ZNF804A: variants seen among roughly 807,000 people sequenced by gnomAD.
ZNF804A encodes zinc finger protein 804A.
ZNF804A carries 2 observed loss-of-function variants against 16.5 expected under a neutral mutation model. That is an observed-to-expected ratio of 0.12 (90% CI 0.05 to 0.38). The LOEUF is 0.38. ZNF804A is among the 10% of genes least tolerant of loss of function. ZNF804A has a pLI of 0.99. For missense variants in ZNF804A, 1,473 were observed against 1,390.7 expected (o/e 1.06, Z -0.94); for synonymous variants, 534 against 489.6 (o/e 1.09, Z -1.20).
In ZNF804A at chr2:184,873,159, A is replaced by G. The variant is rs575903279; in HGVS notation, c.255+6647A>G. Among the ~76,000 whole-genome samples the G allele has an allele frequency of 1.6e-4, 25 of 152,322 alleles. No homozygotes were observed. In the East Asian group the frequency reaches 4.8e-3, roughly 29 times the overall value. On this transcript the variant is annotated intron_variant, in intron 2 of 3. Transcript: ENST00000302277. Reference sequence around the variant, plus strand: ...AAAACTTTATATATTTTAGGAACATATCTAGGGAATTATTTTTGTGACATT... The same window carrying G: ...AAAACTTTATATATTTTAGGAACATGTCTAGGGAATTATTTTTGTGACATT...
intron 1 of ZNF804A, among the ~76,000 whole-genome samples, chr2:184,852,571 T>C (rs1271112526): frequency 6.6e-6 from 1 of 151,428 alleles, no homozygotes; most frequent in African/African-American, 2.4e-5. Context: ...TTTTAGCAGT[T>C]TTACAGTGTC....
intron 1 of ZNF804A, among the ~76,000 whole-genome samples, chr2:184,736,858 C>CT (rs1013724436): frequency 0.015 from 1,973 of 131,070 alleles, 32 homozygotes; most frequent in African/African-American, 0.042. Flanking sequence ...CGTATTTCTT[C>CT]TTTTTTTTTT....
chr2:184,858,439 GT>G (rs1695739528), intron 1 of ZNF804A, among the ~76,000 whole-genome samples: 1 of 150,390 alleles, frequency 6.6e-6, no homozygotes, highest in African/African-American at 2.4e-5. Context: ...GGGAGGTGAA[GT>G]TTGCAGTGAG....
intron 2 of ZNF804A, among the ~76,000 whole-genome samples, chr2:184,881,548 G>T (rs1329569039): frequency 6.6e-6 from 1 of 152,028 alleles, no homozygotes; most frequent in Non-Finnish European, 1.5e-5. Context: ...TATAATGGAA[G>T]CCCCATTAGG....
chr2:184,758,260 A>T (rs540820070), intron 1 of ZNF804A, among the ~76,000 whole-genome samples: 1 of 152,018 alleles, frequency 6.6e-6, no homozygotes, highest in Non-Finnish European at 1.5e-5. Context: ...ATCATTCAAG[A>T]TAGCGAATTA....
chr2:184,815,667 G>T (rs1488259500), intron 1 of ZNF804A, among the ~76,000 whole-genome samples: 4 of 151,822 alleles, frequency 2.6e-5, no homozygotes, highest in Non-Finnish European at 5.9e-5. Flanking sequence ...ATTTACTAAT[G>T]TACGGATTCA....
At chr2:184,905,589 T>G (rs565279479) in intron 2 of ZNF804A, among the ~76,000 whole-genome samples, 1 of 152,314 alleles carries the variant, frequency 6.6e-6, no homozygotes, top group African/African-American at 2.4e-5. Flanking sequence ...TTATTTTTTC[T>G]GTAGTAGAAC....
chr2:184,861,149 G>T (rs974906505), intron 1 of ZNF804A, among the ~76,000 whole-genome samples: 4 of 152,174 alleles, frequency 2.6e-5, no homozygotes, highest in Non-Finnish European at 4.4e-5. Context: ...TAGTTTTTTG[G>T]GGGGACAGGA....
chr2:184,936,566 T>A lies in ZNF804A; in HGVS notation c.1170T>A (p.Val390=). 1 of 1,614,004 alleles carries A rather than the reference T, an allele frequency of 6.2e-7. No homozygotes were observed. Among genetic ancestry groups the A allele is most frequent in the African/African-American group, 1.3e-5 (1 of 75,030 alleles). ...VKHNEASTTE[V]ENKNGPETLA... ...ATAACGAGGCATCCACAACTGAGGT[T>A]GAAAATAAAAATGGTCCCGAGACAT... is the stretch of plus-strand genomic sequence containing the variant. Residue 390 remains valine (V), a synonymous_variant, in exon 4 of 4, where the codon GTT becomes GTA. Transcript: ENST00000302277.
chr2:184,629,147 T>C (rs542093716), intron 1 of ZNF804A, among the ~76,000 whole-genome samples: 27 of 152,312 alleles, frequency 1.8e-4, no homozygotes, highest in Admixed American at 9.8e-4. Context: ...TTCACGGGCA[T>C]TCTTTATATA....
At chr2:184,734,563 T>A (rs888061573) in intron 1 of ZNF804A, among the ~76,000 whole-genome samples, 1 of 152,192 alleles carries the variant, frequency 6.6e-6, no homozygotes, top group Non-Finnish European at 1.5e-5. Context: ...TATGATTTGT[T>A]GAAGTGTGTT....
intron 1 of ZNF804A, among the ~76,000 whole-genome samples, chr2:184,702,709 A>G (rs1032074552): frequency 6.6e-6 from 1 of 152,168 alleles, no homozygotes; most frequent in African/African-American, 2.4e-5. Flanking sequence ...AGTATCCAAT[A>G]GCACACTGAA....
At chr2:184,672,180 G>C (rs1224802659) in intron 1 of ZNF804A, among the ~76,000 whole-genome samples, 1 of 152,174 alleles carries the variant, frequency 6.6e-6, no homozygotes, top group Middle Eastern at 3.2e-3. Flanking sequence ...AAGAGCAGAA[G>C]TATGAAGATA....
chr2:184,779,103 C>A (rs945599292), intron 1 of ZNF804A, among the ~76,000 whole-genome samples: 1 of 151,600 alleles, frequency 6.6e-6, no homozygotes, highest in African/African-American at 2.4e-5. Context: ...AGACATTTTT[C>A]CCCTTTCTTC....
chr2:184,922,657 C>T (rs1302253777), intron 2 of ZNF804A, among the ~76,000 whole-genome samples: 1 of 151,980 alleles, frequency 6.6e-6, no homozygotes, highest in Non-Finnish European at 1.5e-5. Context: ...TGAGTTATTG[C>T]TCAAGAAGTC....
chr2:184,881,947 C>T (rs1468151426), intron 2 of ZNF804A, among the ~76,000 whole-genome samples: 1 of 151,918 alleles, frequency 6.6e-6, no homozygotes, highest in Non-Finnish European at 1.5e-5. Context: ...ATCAATACTA[C>T]CCTTGAATGT....
chr2:184,758,604 T>C (rs1022878532), intron 1 of ZNF804A, among the ~76,000 whole-genome samples: 11 of 151,964 alleles, frequency 7.2e-5, no homozygotes, highest in Non-Finnish European at 1.6e-4. Context: ...ATTTATCAAG[T>C]CTAATATTTT....
At chr2:184,845,778 G>C (rs1179597554) in intron 1 of ZNF804A, among the ~76,000 whole-genome samples, 2 of 151,950 alleles carry the variant, frequency 1.3e-5, no homozygotes. Flanking sequence ...AAATTGTTTG[G>C]GGGTGTCCCT....
At chr2:184,908,420 GTAATCTAAGACAA>G (rs1685310374) in intron 2 of ZNF804A, among the ~76,000 whole-genome samples, 1 of 152,082 alleles carries the variant, frequency 6.6e-6, no homozygotes, top group Non-Finnish European at 1.5e-5. Flanking sequence ...AGCCCAGCAT[GTAATCTAAGACAA>G]TATTCTTCTT....
Sources: allele counts gnomAD v4.1 joint callset (sites outside exome capture counted in the v4.1 genomes callset), GRCh38; gene constraint gnomAD v4.1.1; transcripts MANE v1.5; gene names NCBI Gene and HGNC (gene_info 2026-07-23, HGNC 2026-07-21).